Variants in TRABD2B observed in about 807,000 individuals in gnomAD.
TRABD2B encodes the protein metalloprotease TIKI2.
In TRABD2B, 14 loss-of-function variants were observed where a neutral mutation model predicts 40.1. The ratio of observed to expected loss-of-function variants is 0.35; its 90% CI spans 0.23 to 0.55. The LOEUF (loss-of-function observed/expected upper bound fraction) is 0.55. Ranked by LOEUF, TRABD2B falls within the 20% of genes least tolerant of loss-of-function variation. The pLI is 0.90. For missense variants in TRABD2B, 541 were observed against 648.6 expected (o/e 0.83, Z 1.80); for synonymous variants, 263 against 277.0 (o/e 0.95, Z 0.50).
chr1:47,785,553 G>A (rs568399718), intron 4 of TRABD2B, among the ~76,000 whole-genome samples: 7 of 152,366 alleles, frequency 4.6e-5, no homozygotes, highest in Admixed American at 3.9e-4. Flanking sequence ...ATTCCGAGAG[G>A]AGCAACCCTG....
intron 2 of TRABD2B, among the ~76,000 whole-genome samples, chr1:47,805,595 C>T (rs1644880669): frequency 6.6e-6 from 1 of 152,178 alleles, no homozygotes; most frequent in African/African-American, 2.4e-5. Context: ...TCAGGAAGCA[C>T]TGCAAGAAGA....
chr1:47,913,407 T>A (rs1389238481), intron 2 of TRABD2B, among the ~76,000 whole-genome samples: 1 of 152,176 alleles, frequency 6.6e-6, no homozygotes, highest in African/African-American at 2.4e-5. Context: ...TCTGCACCCA[T>A]CAGAAACAAC....
chr1:47,848,465 T>C (rs999960729), intron 2 of TRABD2B, among the ~76,000 whole-genome samples: 2 of 152,114 alleles, frequency 1.3e-5, no homozygotes, highest in Admixed American at 1.3e-4. Context: ...CACAGGGGAT[T>C]TAAGAATGTA....
intron 2 of TRABD2B, among the ~76,000 whole-genome samples, chr1:47,969,243 T>C (rs1189136693): frequency 1.3e-5 from 2 of 152,238 alleles, no homozygotes; most frequent in African/African-American, 4.8e-5. Flanking sequence ...TTTAGTGTCT[T>C]CTGACCTTGG....
At chr1:47,965,236 T>TGGGGGG (rs1645585082) in intron 2 of TRABD2B, among the ~76,000 whole-genome samples, 1 of 3,262 alleles carries the variant, frequency 3.1e-4, no homozygotes, top group Non-Finnish European at 5.8e-4. Flanking sequence ...GGGGGGTGGA[T>TGGGGGG]GGGGAGGTGG....
chr1:47,924,523 C>T (rs918798204), intron 2 of TRABD2B, among the ~76,000 whole-genome samples: 26 of 152,140 alleles, frequency 1.7e-4, no homozygotes, highest in Admixed American at 1.7e-3. Flanking sequence ...TAAGATGATC[C>T]TATTAGCTGG....
At chr1:47,907,403 T>C (rs1212445606) in intron 2 of TRABD2B, among the ~76,000 whole-genome samples, 1 of 152,160 alleles carries the variant, frequency 6.6e-6, no homozygotes, top group Non-Finnish European at 1.5e-5. Flanking sequence ...CAGGAAATGA[T>C]ATAATATCAG....
At chr1:47,814,023 G>A (rs1644998386) in intron 2 of TRABD2B, among the ~76,000 whole-genome samples, 1 of 152,278 alleles carries the variant, frequency 6.6e-6, no homozygotes. Context: ...TCCAGCAAAT[G>A]TGGGGGACCA....
chr1:47,829,451 G>A (rs565271117), intron 2 of TRABD2B, among the ~76,000 whole-genome samples: 3 of 152,198 alleles, frequency 2.0e-5, no homozygotes, highest in Admixed American at 6.5e-5. Flanking sequence ...ACTCCTGTGC[G>A]CTAGACTCCT....
At chr1:47,855,873 C>T (rs877295) in intron 2 of TRABD2B, among the ~76,000 whole-genome samples, 54,292 of 152,038 alleles carry the variant, frequency 0.36, 9,834 homozygotes, top group East Asian at 0.49. Context: ...CACCCTGATA[C>T]GGAACTTGCC....
At chr1:47,865,120 C>T (rs1570155902) in intron 2 of TRABD2B, among the ~76,000 whole-genome samples, 4 of 152,306 alleles carry the variant, frequency 2.6e-5, no homozygotes, top group Admixed American at 2.6e-4. Flanking sequence ...GGGTCCTCCC[C>T]AAGAACTGGG....
chr1:47,916,663 C>T (rs1378283413), intron 2 of TRABD2B, among the ~76,000 whole-genome samples: 2 of 152,246 alleles, frequency 1.3e-5, no homozygotes, highest in East Asian at 3.9e-4. Flanking sequence ...AAAATCCACA[C>T]AGGTGGAGAA....
At chr1:47,896,214 G>A in intron 2 of TRABD2B, among the ~76,000 whole-genome samples, 1 of 152,230 alleles carries the variant, frequency 6.6e-6, no homozygotes, top group East Asian at 1.9e-4. Flanking sequence ...GCCGCACAAA[G>A]GGACATTCAC....
chr1:47,858,091 TTTA>T (rs1162025756), intron 2 of TRABD2B, among the ~76,000 whole-genome samples: 1 of 152,118 alleles, frequency 6.6e-6, no homozygotes, highest in Non-Finnish European at 1.5e-5. Context: ...TAAATCAAAC[TTTA>T]TCATACGTAC....
At chr1:47,799,701 C>T (rs140305612) in intron 3 of TRABD2B, among the ~76,000 whole-genome samples, 1,629 of 152,236 alleles carry the variant, frequency 0.011, 25 homozygotes, top group African/African-American at 0.037. Context: ...CTCAGCACCC[C>T]TCTCCGGCTC....
intron 6 of TRABD2B, among the ~76,000 whole-genome samples, chr1:47,774,578 AG>A (rs946581180): frequency 1.3e-5 from 2 of 152,198 alleles, no homozygotes; most frequent in Non-Finnish European, 2.9e-5. Context: ...AGGGGCATAT[AG>A]GAAGAGGACA....
At chr1:47,991,213 A>G (rs1646006544) in intron 2 of TRABD2B, among the ~76,000 whole-genome samples, 1 of 152,046 alleles carries the variant, frequency 6.6e-6, no homozygotes, top group South Asian at 2.1e-4. Context: ...GTCATTCAAC[A>G]TTTCTGGATG....
At chr1:47,915,595 G>A (rs1644820265) in intron 2 of TRABD2B, among the ~76,000 whole-genome samples, 1 of 152,154 alleles carries the variant, frequency 6.6e-6, no homozygotes, top group Non-Finnish European at 1.5e-5. Flanking sequence ...GGCCAGGCAG[G>A]GATTCAAAGC....
intron 1 of TRABD2B, among the ~76,000 whole-genome samples, chr1:47,995,746 A>G (rs937406865): frequency 6.6e-6 from 1 of 152,236 alleles, no homozygotes; most frequent in African/African-American, 2.4e-5. Context: ...GTGGGAGAAC[A>G]GTACCTTACT....
Sources: gnomAD v4.1 joint callset for allele counts (sites outside exome capture counted in the v4.1 genomes callset) on GRCh38, gnomAD v4.1.1 for gene constraint, MANE v1.5 for transcripts, NCBI Gene and HGNC (gene_info 2026-07-23, HGNC 2026-07-21) for gene names.